Variants in HMCN1 observed in about 807,000 individuals in gnomAD.
HMCN1 encodes the protein hemicentin-1.
HMCN1 carries 321 observed loss-of-function variants against 625.9 expected under a neutral mutation model. The ratio of observed to expected loss-of-function variants is 0.51; its 90% CI spans 0.47 to 0.56. The LOEUF is 0.56. HMCN1 is among the 20% of genes least tolerant of loss of function. The pLI is 0.00. For missense variants in HMCN1, 6,588 were observed against 6,887.3 expected (o/e 0.96, Z 1.54); for synonymous variants, 2,425 against 2,417.6 (o/e 1.00, Z -0.09).
Position 186,015,991 on chromosome 1 carries a change from C to T in HMCN1, c.4943C>T (p.Pro1648Leu). ...PPMIEGNLATPLNKQVVIAHS... is the reference protein window; with the variant it reads ...PPMIEGNLATLLNKQVVIAHS... ...ATGATTGAAGGCAACTTGGCCACGCCTTTGAATAAGCAAGTAGTTATTGCT... is the reference window on the plus strand; with the variant it reads ...ATGATTGAAGGCAACTTGGCCACGCTTTTGAATAAGCAAGTAGTTATTGCT... Residue 1648 changes from proline (P) to leucine (L), a missense_variant, in exon 32 of 107, where the codon CCT becomes CTT. Transcript: ENST00000271588. 1 of 1,613,426 alleles carries T rather than the reference C, an allele frequency of 6.2e-7. No homozygotes were observed. The highest frequency in any genetic ancestry group is 8.5e-7 in the Non-Finnish European group (1 of 1,179,484).
chr1:185,998,437 GC>G (rs1652951809), intron 25 of HMCN1, among the ~76,000 whole-genome samples: 1 of 152,078 alleles, frequency 6.6e-6, no homozygotes, highest in African/African-American at 2.4e-5. Context: ...TCTTTAACAA[GC>G]TTTTCAGATA....
rs759810722 is a variant in HMCN1, at chr1:186,130,636, T to C, written c.13169T>C (p.Ile4390Thr). Reference protein sequence around the residue: ...TIQWNRKGVDIEISHRIRQLG... With the variant: ...TIQWNRKGVDTEISHRIRQLG... ...CAGTGGAACAGAAAGGGAGTGGATA[T>C]TGAAATTAGCCACAGAATCCGGCAA... Residue 4390 changes from isoleucine (I) to threonine (T), a missense_variant, in exon 85 of 107, where the codon ATT (isoleucine) becomes ACT (threonine). Coordinates refer to ENST00000271588, the MANE Select transcript of HMCN1 (RefSeq NM_031935.3). The C allele has an allele frequency of 6.8e-6, 11 of 1,613,380 alleles. No individual in the cohort carries two copies. In the African/African-American group the frequency reaches 1.3e-4, roughly 20 times the overall value.
intron 6 of HMCN1, among the ~76,000 whole-genome samples, chr1:185,921,123 G>T (rs561652933): frequency 5.9e-5 from 9 of 151,764 alleles, no homozygotes; most frequent in Non-Finnish European, 1.0e-4. Context: ...GACAAATAAT[G>T]GGATAAGGGT....
chr1:185,801,064 A>G (rs1378506638), intron 1 of HMCN1, among the ~76,000 whole-genome samples: 1 of 152,210 alleles, frequency 6.6e-6, no homozygotes, highest in Non-Finnish European at 1.5e-5. Context: ...GCACAGTGCC[A>G]CAACACCTGA....
At chr1:185,820,594 A>G (rs1185279866) in intron 1 of HMCN1, among the ~76,000 whole-genome samples, 1 of 152,176 alleles carries the variant, frequency 6.6e-6, no homozygotes, top group African/African-American at 2.4e-5. Flanking sequence ...CTTGTACTCA[A>G]ATAAGGTTAT....
chr1:185,751,804 G>GT (rs567149621), intron 1 of HMCN1, among the ~76,000 whole-genome samples: 23 of 150,636 alleles, frequency 1.5e-4, no homozygotes, highest in African/African-American at 3.7e-4. Context: ...GATCATAGCT[G>GT]TTTTTTTTCA....
Position 186,172,140 on chromosome 1 carries a change from C to A in HMCN1, c.15814+9C>A. On this transcript the variant is annotated intron_variant, in intron 102 of 106. Transcript: ENST00000271588. Reference sequence around the variant, plus strand: ...AAATGGAACCTGTATTGGTGAGTGTCTGGCTGTTTCCGTGACTGAGATCAG... The same window carrying A: ...AAATGGAACCTGTATTGGTGAGTGTATGGCTGTTTCCGTGACTGAGATCAG... 6.2e-7 allele frequency: 1 copy of A among 1,613,452 alleles called. No individual in the cohort carries two copies. The highest frequency in any genetic ancestry group is 1.1e-5 in the South Asian group (1 of 91,046).
chr1:185,840,877 T>C (rs895628167), intron 1 of HMCN1, among the ~76,000 whole-genome samples: 3 of 152,218 alleles, frequency 2.0e-5, no homozygotes, highest in Admixed American at 6.5e-5. Flanking sequence ...AACAAAGAAA[T>C]TGGGAAAATT....
chr1:186,137,448 CA>C, intron 87 of HMCN1, 49 bp from the exon 88 acceptor site: 1 of 1,584,668 alleles, frequency 6.3e-7, no homozygotes, highest in Middle Eastern at 2.1e-4. Context: ...ATCTCCTTTA[CA>C]ATGTTTTATT....
At chr1:186,069,930 A>G (rs1032848174) in intron 51 of HMCN1, among the ~76,000 whole-genome samples, 154 bp downstream of exon 51, 1 of 152,234 alleles carries the variant, frequency 6.6e-6, no homozygotes, top group Non-Finnish European at 1.5e-5. Flanking sequence ...TGAATTAAGC[A>G]TTGTGTCTAT....
At chr1:185,988,355 G>T (rs1462996170) in intron 20 of HMCN1, among the ~76,000 whole-genome samples, 1 of 152,158 alleles carries the variant, frequency 6.6e-6, no homozygotes, top group African/African-American at 2.4e-5. Flanking sequence ...TTCTGTAAAT[G>T]AATTTGAACC....
chr1:186,015,316 T>C lies in HMCN1; in HGVS notation c.4788T>C (p.Tyr1596=), dbSNP rs749570386. ...QPIMSSSQAL[Y]IDKGQYLHIP... ...TCATGTCCAGCTCACAAGCACTTTA[T>C]ATTGATAAAGGACAATATCTTCATA... The change falls in exon 31 of 107, where the codon TAT becomes TAC. Residue 1596 remains tyrosine, a synonymous_variant. Transcript: ENST00000271588. The C allele has an allele frequency of 6.2e-7, 1 of 1,613,848 alleles. No homozygotes were observed. Among genetic ancestry groups the C allele is most frequent in the Non-Finnish European group, 8.5e-7 (1 of 1,179,828 alleles).
At chr1:186,024,249 G>A (rs1654913095) in intron 36 of HMCN1, among the ~76,000 whole-genome samples, 1 of 152,148 alleles carries the variant, frequency 6.6e-6, no homozygotes, top group African/African-American at 2.4e-5. Flanking sequence ...AGTGGGGTTA[G>A]GGGACAGGCT....
chr1:185,792,067 G>A (rs186937965), intron 1 of HMCN1, among the ~76,000 whole-genome samples: 16 of 152,248 alleles, frequency 1.1e-4, no homozygotes, highest in South Asian at 2.1e-4. Flanking sequence ...GAAACTCACC[G>A]TCTGGAAAAG....
intron 66 of HMCN1, 39 bp from the exon 67 acceptor site, chr1:186,094,237 G>A: frequency 2.1e-6 from 3 of 1,407,282 alleles, no homozygotes; most frequent in Non-Finnish European, 3.0e-6. Context: ...CTTGTTGTAT[G>A]GGAGCAAGTG....
In HMCN1 at chr1:185,860,340, C is replaced by A. The variant is rs189480058; in HGVS notation, c.340-4130C>A. 5.3e-5 allele frequency among the ~76,000 whole-genome samples: 8 copies of A among 152,106 alleles called. No homozygotes were observed. The East Asian group carries it at 1.5e-3, about 29-fold the overall frequency. On this transcript the variant is annotated intron_variant, in intron 2 of 106. Transcript: ENST00000271588. ...AATGTGAAATTTGGGGCAGAATAGT[C>A]ATTTTTATTATAAAGACTGCACTGA...
At chr1:185,987,133 CA>C (rs551639173) in intron 19 of HMCN1, among the ~76,000 whole-genome samples, 415 of 124,352 alleles carry the variant, frequency 3.3e-3, no homozygotes, top group Admixed American at 3.4e-3. Flanking sequence ...GGGTTTCCAG[CA>C]AAAAAAAAAA....
rs530690323 is a variant in HMCN1 at position 185,910,572 on chromosome 1, C to CT, written c.793+1080dup. Among the ~76,000 whole-genome samples the CT allele has an allele frequency of 8.0e-3, 1,125 of 140,280 alleles. 11 individuals carry two copies. The highest frequency in any genetic ancestry group is 0.016 in the African/African-American group (612 of 37,972). The allele number at this position is 140,280 out of a possible 152,430, so 92.0% of individuals were successfully genotyped here. A position where few individuals can be genotyped will look rare whatever the true frequency, so the allele number is the denominator to read the frequency against. On this transcript the variant is annotated intron_variant, in intron 5 of 106. Coordinates refer to ENST00000271588, the MANE Select transcript of HMCN1 (RefSeq NM_031935.3). ...CTTATAACTTATTTCTTTCTTCCTT[C>CT]TTTTTTTTTTTTTTTTGACATGGAG...
At chr1:186,140,753 A>G (rs1409705684) in intron 89 of HMCN1, among the ~76,000 whole-genome samples, 1 of 152,042 alleles carries the variant, frequency 6.6e-6, no homozygotes, top group African/African-American at 2.4e-5. Context: ...TTCCATATCT[A>G]TTATTGACCT....
Sources: allele counts gnomAD v4.1 joint callset (sites outside exome capture counted in the v4.1 genomes callset), GRCh38; gene constraint gnomAD v4.1.1; transcripts MANE v1.5; gene names NCBI Gene and HGNC (gene_info 2026-07-23, HGNC 2026-07-21).